UBAP2L: variants seen among roughly 807,000 people sequenced by gnomAD.
The protein encoded by UBAP2L is ubiquitin associated protein 2 like.
Under a neutral mutation model 130.6 loss-of-function variants are expected in UBAP2L, and 12 were observed. The ratio of observed to expected loss-of-function variants is 0.09; its 90% CI spans 0.06 to 0.15. The LOEUF (loss-of-function observed/expected upper bound fraction) is 0.15, where lower values mean the gene tolerates loss of function less well. Among genes scored for constraint, UBAP2L ranks in the 10% least tolerant of loss-of-function variants. The probability of loss-of-function intolerance (pLI) is 1.00; values close to 1 mark genes in which losing one functional copy is unlikely to be tolerated. For missense variants in UBAP2L, 965 were observed against 1,332.5 expected (o/e 0.72, Z 4.29); for synonymous variants, 503 against 524.7 (o/e 0.96, Z 0.57).
chr1:154,237,154 A>G lies in UBAP2L; in HGVS notation c.703+18A>G. 1 of 1,595,850 alleles carries G rather than the reference A, an allele frequency of 6.3e-7. No individual in the cohort carries two copies. The highest frequency in any genetic ancestry group is 8.6e-7 in the Non-Finnish European group (1 of 1,164,030). On this transcript the variant is annotated intron_variant, in intron 8 of 26. Coordinates refer to ENST00000428931, the MANE Select transcript of UBAP2L (RefSeq NM_014847.4). Reference sequence around the variant, plus strand: ...TGGGACGAGTGAGTGACCATTTATCATTCATTTCTTGTCTCTGGGAATCTA... The same window carrying G: ...TGGGACGAGTGAGTGACCATTTATCGTTCATTTCTTGTCTCTGGGAATCTA...
At chr1:154,243,109 C>T (rs1674123819) in intron 9 of UBAP2L, 108 bp from the exon 10 acceptor site, 1 of 865,824 alleles carries the variant, frequency 1.2e-6, no homozygotes. Context: ...ATAGTTTTCT[C>T]TTTATAGGGC....
chr1:154,223,266 T>C (rs1162166563), intron 1 of UBAP2L, among the ~76,000 whole-genome samples: 1 of 152,214 alleles, frequency 6.6e-6, no homozygotes, highest in Non-Finnish European at 1.5e-5. Flanking sequence ...TGGTACAGTA[T>C]ATGCAATAGT....
At chr1:154,224,297 T>C (rs1274794353) in intron 1 of UBAP2L, among the ~76,000 whole-genome samples, 1 of 152,194 alleles carries the variant, frequency 6.6e-6, no homozygotes, top group Non-Finnish European at 1.5e-5. Flanking sequence ...AATTTGAGAT[T>C]CCCTGTATAT....
intron 10 of UBAP2L, among the ~76,000 whole-genome samples, chr1:154,245,595 G>A (rs1204353500): frequency 6.6e-6 from 1 of 152,162 alleles, no homozygotes; most frequent in Non-Finnish European, 1.5e-5. Flanking sequence ...TTTTGGCTGA[G>A]TTATTGAGCT....
At chr1:154,227,454 C>CTA in intron 3 of UBAP2L, 95 bp downstream of exon 3, 1 of 1,113,082 alleles carries the variant, frequency 9.0e-7, no homozygotes. Flanking sequence ...ATACTTTCTA[C>CTA]TATAGGTATT....
intron 3 of UBAP2L, among the ~76,000 whole-genome samples, chr1:154,228,353 A>G (rs1351788420): frequency 6.6e-6 from 1 of 151,984 alleles, no homozygotes; most frequent in East Asian, 1.9e-4. Context: ...ACACCCAGCT[A>G]ATTTTTGTAT....
intron 22 of UBAP2L, among the ~76,000 whole-genome samples, chr1:154,260,363 T>C (rs1380490029): frequency 6.6e-6 from 1 of 152,192 alleles, no homozygotes; most frequent in African/African-American, 2.4e-5. Flanking sequence ...ATATCTTGAC[T>C]TAGTTTCAAG....
chr1:154,256,260 T>G (rs1308401617), intron 18 of UBAP2L, among the ~76,000 whole-genome samples: 1 of 152,178 alleles, frequency 6.6e-6, no homozygotes, highest in Admixed American at 6.5e-5. Context: ...GACAAAAGTA[T>G]CAGATTTGCC....
In UBAP2L at chr1:154,268,791, C is replaced by G; in HGVS notation, c.3005C>G (p.Thr1002Ser). The stretch of plus-strand genomic sequence containing the variant: ...GAGAAACAAGGTTTTCATTCCGGTA[C>G]TCCTGCTGCTTCCTTCAACTTGCCT... ...SFEKQGFHSG[T>S]PAASFNLPSA... The change falls in exon 26 of 27, where the codon ACT becomes AGT. Residue 1002 changes from threonine to serine, a missense_variant. Coordinates refer to ENST00000428931, the MANE Select transcript of UBAP2L (RefSeq NM_014847.4). 6.2e-7 allele frequency: 1 copy of G among 1,614,168 alleles called. No individual in the cohort carries two copies. Among genetic ancestry groups the G allele is most frequent in the Non-Finnish European group, 8.5e-7 (1 of 1,180,020 alleles).
Position 154,269,263 on chromosome 1 carries a change from CT to C in UBAP2L, c.3168+311del, listed in dbSNP as rs753406386. On this transcript the variant is annotated intron_variant, in intron 26 of 26. Transcript: ENST00000428931. ...CACCTTCCCTCTTTCCTCTCCCAGC[CT>C]TCCCTCTTCCCTGACATTTTAGCTT... is the stretch of plus-strand genomic sequence containing the variant. 5.9e-4 allele frequency: 714 copies of C among 1,210,966 alleles called. 1 individual carries two copies. Among genetic ancestry groups the C allele is most frequent in the Non-Finnish European group, 7.8e-4 (669 of 861,044 alleles). The allele number at this position is 1,210,966 out of a possible 1,614,324, so 75.0% of individuals were successfully genotyped here. A position where few individuals can be genotyped will look rare whatever the true frequency, so the allele number is the denominator to read the frequency against.
chr1:154,253,158 C>G (rs868779923), intron 14 of UBAP2L, among the ~76,000 whole-genome samples: 9 of 152,094 alleles, frequency 5.9e-5, no homozygotes, highest in Admixed American at 1.3e-4. Flanking sequence ...CGCCCACCAC[C>G]ATGCCTGGCT....
intron 3 of UBAP2L, among the ~76,000 whole-genome samples, chr1:154,228,341 C>A (rs1208544784): frequency 6.6e-6 from 1 of 152,096 alleles, no homozygotes; most frequent in Admixed American, 6.6e-5. Context: ...GCGCCCGCCA[C>A]CACACCCAGC....
chr1:154,231,286 G>C (rs1008213750), intron 4 of UBAP2L, among the ~76,000 whole-genome samples: 1 of 90,132 alleles, frequency 1.1e-5, no homozygotes, highest in Admixed American at 1.3e-4. Context: ...CACCACACTT[G>C]GCTTTTTTTT....
chr1:154,221,720 A>AT (rs1666209993), intron 1 of UBAP2L, among the ~76,000 whole-genome samples: 1 of 151,862 alleles, frequency 6.6e-6, no homozygotes, highest in Admixed American at 6.6e-5. Context: ...AGCTCCTCTT[A>AT]TTACCCTCCC....
At position 154,235,205 on chromosome 1, in the gene UBAP2L, A is replaced by G. The variant is rs1165050785; in HGVS notation, c.458A>G (p.Gln153Arg). The part of the protein sequence containing the change: ...GASRGREFRG[Q>R]ENGLDGTKSG... ...TTTATTTTTATTTCAGTTCGAGGTC[A>G]GGAAAATGGATTGGATGGCACCAAG... Residue 153 changes from glutamine to arginine, a missense_variant, in exon 6 of 27, where the codon CAG (glutamine) becomes CGG (arginine). Physicochemically the swap from Gln to Arg is conservative, Grantham distance 43 (BLOSUM62 1). This residue lies in a region of UBAP2L where 109 missense variants were observed against 146.6 expected (regional missense o/e 0.74). Transcript: ENST00000428931. 1.3e-6 allele frequency: 1 copy of G among 769,760 alleles called. No individual in the cohort carries two copies. 47.7% of individuals were successfully genotyped at this position (769,760 alleles called of 1,614,324 possible).
Position 154,251,098 on chromosome 1 carries a change from T to C in UBAP2L, c.1271T>C (p.Phe424Ser), listed in dbSNP as rs774724840. The change falls in exon 13 of 27, where the codon TTT (phenylalanine) becomes TCT (serine). Residue 424 changes from phenylalanine (F) to serine (S), a missense_variant. Phe to Ser is a radical substitution (Grantham distance 155). Coordinates refer to ENST00000428931, the MANE Select transcript of UBAP2L (RefSeq NM_014847.4). ...AGCCCCTTTACAAAGCGCCAGGCTT[T>C]TACCCCATCTTCAACCATGATGGAG... is the stretch of plus-strand genomic sequence containing the variant. ...VHSPFTKRQA[F>S]TPSSTMMEVF... 1 of 1,614,132 alleles carries C rather than the reference T, an allele frequency of 6.2e-7. No individual in the cohort carries two copies. Among genetic ancestry groups the C allele is most frequent in the Non-Finnish European group, 8.5e-7 (1 of 1,180,036 alleles).
rs771729624 is a variant in UBAP2L, at chr1:154,235,198, C to A, written c.451C>A (p.Arg151=). 2.4e-5 allele frequency: 18 copies of A among 764,672 alleles called. No homozygotes were observed. The Admixed American group carries it at 3.1e-4, about 13-fold the overall frequency. 47.4% of individuals were successfully genotyped at this position (764,672 alleles called of 1,614,324 possible). A position where few individuals can be genotyped will look rare whatever the true frequency, so the allele number is the denominator to read the frequency against. The change falls in exon 6 of 27, where the codon CGA becomes AGA. Residue 151 remains arginine (R), a splice_region_variant and synonymous_variant. Coordinates refer to ENST00000428931, the MANE Select transcript of UBAP2L (RefSeq NM_014847.4). ...GRGASRGREF[R]GQENGLDGTK... Reference sequence around the variant, plus strand: ...TTTAATTTTTATTTTTATTTCAGTTCGAGGTCAGGAAAATGGATTGGATGG... The same window carrying A: ...TTTAATTTTTATTTTTATTTCAGTTAGAGGTCAGGAAAATGGATTGGATGG...
chr1:154,271,366 TG>T (rs1214681575), downstream of UBAP2L: 14 of 162,934 alleles, frequency 8.6e-5, no homozygotes, highest in East Asian at 2.5e-3. Flanking sequence ...TTGGGTACAG[TG>T]TACACTGCTC....
intron 2 of UBAP2L, among the ~76,000 whole-genome samples, chr1:154,226,072 C>T (rs545669862): frequency 6.6e-6 from 1 of 152,354 alleles, no homozygotes; most frequent in East Asian, 1.9e-4. Flanking sequence ...CCTCGGCCTC[C>T]CAGAGTACTG....
Sources: allele counts gnomAD v4.1 joint callset (sites outside exome capture counted in the v4.1 genomes callset), GRCh38; gene constraint gnomAD v4.1.1; regional missense constraint gnomAD v4.1.1; transcripts MANE v1.5; gene names NCBI Gene and HGNC (gene_info 2026-07-23, HGNC 2026-07-21).